CACNA1E: variants seen among roughly 807,000 people sequenced by gnomAD.
CACNA1E encodes the protein calcium voltage-gated channel subunit alpha1 E.
In CACNA1E, 40 loss-of-function variants were observed where a neutral mutation model predicts 259.2. The observed-to-expected ratio is 0.15, with a 90% CI of 0.12 to 0.20. The LOEUF is 0.20. CACNA1E is among the 10% of genes least tolerant of loss of function. The pLI is 1.00. For missense variants in CACNA1E, 1,874 were observed against 3,040.1 expected (o/e 0.62, Z 9.02); for synonymous variants, 1,104 against 1,138.5 (o/e 0.97, Z 0.61).
intron 6 of CACNA1E, among the ~76,000 whole-genome samples, chr1:181,597,127 T>C (rs1376370675): frequency 6.6e-6 from 1 of 152,164 alleles, no homozygotes; most frequent in African/African-American, 2.4e-5. Context: ...AAATTTCTGT[T>C]CTAATTTGGA....
chr1:181,451,761 C>T (rs536315945), intron 2 of CACNA1E, among the ~76,000 whole-genome samples: 2 of 152,120 alleles, frequency 1.3e-5, no homozygotes, highest in African/African-American at 4.8e-5. Context: ...AAGGGTAAAG[C>T]CTTTGAGTGC....
At chr1:181,586,370 G>T (rs928655651) in intron 6 of CACNA1E, among the ~76,000 whole-genome samples, 4 of 152,168 alleles carry the variant, frequency 2.6e-5, no homozygotes, top group African/African-American at 7.2e-5. Flanking sequence ...GGAGTTTTCA[G>T]TGTATAGATG....
At chr1:181,491,926 C>T (rs1186703848) in intron 1 of CACNA1E, among the ~76,000 whole-genome samples, 2 of 152,184 alleles carry the variant, frequency 1.3e-5, no homozygotes, top group Non-Finnish European at 2.9e-5. Context: ...TGACCAGGAC[C>T]TGTAAGACCA....
intron 35 of CACNA1E, among the ~76,000 whole-genome samples, chr1:181,770,181 A>G (rs946590187): frequency 2.0e-5 from 3 of 152,244 alleles, no homozygotes; most frequent in Non-Finnish European, 4.4e-5. Context: ...CATACATTGG[A>G]TAAACTGAAG....
At chr1:181,651,860 AT>A (rs1658787783) in intron 7 of CACNA1E, 1 of 156,120 alleles carries the variant, frequency 6.4e-6, no homozygotes, top group African/African-American at 2.4e-5. Flanking sequence ...TGTGGCTTGA[AT>A]TAGTTTATAC....
chr1:181,532,074 G>T (rs898909773), intron 3 of CACNA1E, among the ~76,000 whole-genome samples: 1 of 152,012 alleles, frequency 6.6e-6, no homozygotes, highest in Non-Finnish European at 1.5e-5. Context: ...GAAAAGAAAA[G>T]AAAAGAAAAC....
intron 1 of CACNA1E, among the ~76,000 whole-genome samples, chr1:181,397,854 C>T (rs916385008): frequency 7.2e-5 from 11 of 152,172 alleles, no homozygotes; most frequent in African/African-American, 2.4e-4. Context: ...TCTCAAAATG[C>T]TTTTACCCTA....
At chr1:181,412,806 A>G (rs1657957119) in intron 1 of CACNA1E, among the ~76,000 whole-genome samples, 1 of 152,144 alleles carries the variant, frequency 6.6e-6, no homozygotes, top group African/African-American at 2.4e-5. Context: ...GCGGCATATC[A>G]TTATTTCTTT....
At chr1:181,790,361 C>G (rs144520471) in intron 43 of CACNA1E, 84 bp from the exon 44 acceptor site, 1 of 778,476 alleles carries the variant, frequency 1.3e-6, no homozygotes, top group African/African-American at 1.7e-5. Flanking sequence ...CCAGCCAAGG[C>G]TAAAGGGTGT....
At chr1:181,534,130 T>C (rs1303261313) in intron 3 of CACNA1E, among the ~76,000 whole-genome samples, 2 of 152,264 alleles carry the variant, frequency 1.3e-5, no homozygotes, top group South Asian at 4.1e-4. Flanking sequence ...ATTTTGTTCC[T>C]TATTTAAAGT....
intron 18 of CACNA1E, among the ~76,000 whole-genome samples, chr1:181,727,952 A>G (rs576264401): frequency 1.2e-4 from 19 of 152,146 alleles, no homozygotes; most frequent in Admixed American, 2.0e-4. Context: ...CACGGCCATC[A>G]TGTTGCCTTT....
chr1:181,363,297 C>A (rs1392315683), intron 1 of CACNA1E, among the ~76,000 whole-genome samples: 2 of 152,124 alleles, frequency 1.3e-5, no homozygotes, highest in African/African-American at 4.8e-5. Flanking sequence ...TGCCAAAATG[C>A]GCGTGTGGGA....
chr1:181,389,274 G>A (rs531304383), intron 1 of CACNA1E, among the ~76,000 whole-genome samples: 4 of 152,250 alleles, frequency 2.6e-5, no homozygotes, highest in Admixed American at 6.5e-5. Context: ...AACAGAAGGT[G>A]CAAAAATGCA....
chr1:181,554,323 T>C (rs1458683649), intron 3 of CACNA1E, among the ~76,000 whole-genome samples: 1 of 152,202 alleles, frequency 6.6e-6, no homozygotes, highest in Admixed American at 6.5e-5. Flanking sequence ...CTGAATTTAG[T>C]TGTTATTCAG....
At chr1:181,318,946 A>G (rs1461471280) in intron 1 of CACNA1E, among the ~76,000 whole-genome samples, 1 of 152,138 alleles carries the variant, frequency 6.6e-6, no homozygotes, top group Non-Finnish European at 1.5e-5. Flanking sequence ...CCAGGGATGG[A>G]ACATCCAGTT....
At chr1:181,797,365 A>T (rs1572920244) in intron 47 of CACNA1E, among the ~76,000 whole-genome samples, 1 of 152,286 alleles carries the variant, frequency 6.6e-6, no homozygotes, top group East Asian at 1.9e-4. Flanking sequence ...GTATGAAAAC[A>T]TTCATAGACT....
chr1:181,576,546 G>A (rs1024822870), intron 3 of CACNA1E, among the ~76,000 whole-genome samples: 7 of 152,170 alleles, frequency 4.6e-5, no homozygotes, highest in Admixed American at 1.3e-4. Context: ...GGAAGTTCAG[G>A]TACCTTCTTT....
intron 7 of CACNA1E, among the ~76,000 whole-genome samples, chr1:181,665,529 GGT>G (rs1396323675): frequency 6.6e-6 from 1 of 152,054 alleles, no homozygotes; most frequent in Non-Finnish European, 1.5e-5. Context: ...AATAAGTTCT[GGT>G]GTTCTATTGC....
intron 16 of CACNA1E, among the ~76,000 whole-genome samples, chr1:181,723,691 C>G (rs900491738): frequency 6.6e-6 from 1 of 152,156 alleles, no homozygotes; most frequent in Non-Finnish European, 1.5e-5. Context: ...TCCCACAACC[C>G]CCTTCCTGGG....
Sources: gnomAD v4.1 joint callset for allele counts (sites outside exome capture counted in the v4.1 genomes callset) on GRCh38, gnomAD v4.1.1 for gene constraint, MANE v1.5 for transcripts, NCBI Gene and HGNC (gene_info 2026-07-23, HGNC 2026-07-21) for gene names.